Variants in NHSL2 observed in about 807,000 individuals in gnomAD.
The protein encoded by NHSL2 is NHS-like protein 2.
In NHSL2, 27 loss-of-function variants were observed where a neutral mutation model predicts 53.4. That is an observed-to-expected ratio of 0.51 (90% CI 0.37 to 0.70). The LOEUF (loss-of-function observed/expected upper bound fraction) is 0.70, where lower values mean the gene tolerates loss of function less well. NHSL2 is among the 30% of genes least tolerant of loss of function. The pLI is 0.00. For missense variants in NHSL2, 892 were observed against 980.1 expected, an observed-to-expected ratio of 0.91 and a Z score of 1.20; for synonymous variants, 408 against 404.1, an observed-to-expected ratio of 1.01 and a Z score of -0.12.
intron 1 of NHSL2, among the ~76,000 whole-genome samples, chrX:72,095,365 T>C (rs1280511549): frequency 2.7e-5 from 3 of 112,409 alleles, no homozygotes; most frequent in African/African-American, 9.7e-5. Context: ...TGGGTCAGAA[T>C]TTGCCAAGAA....
chrX:71,918,075 T>C (rs2041637733), intron 1 of NHSL2, among the ~76,000 whole-genome samples: 1 of 111,903 alleles, frequency 8.9e-6, no homozygotes, highest in African/African-American at 3.2e-5. Context: ...CTCGGCTCCT[T>C]CATGCTTTGC....
intron 1 of NHSL2, among the ~76,000 whole-genome samples, chrX:71,996,961 A>T (rs2042052512): frequency 8.9e-6 from 1 of 112,477 alleles, no homozygotes; most frequent in Non-Finnish European, 1.9e-5. Context: ...GCGTCCTGAG[A>T]GGCTGGGACC....
At position 72,148,728 on chromosome X, in the gene NHSL2, A is replaced by G. The variant is rs2042482675; in HGVS notation, c.*5154A>G. The G allele has an allele frequency of 9.0e-6, 1 of 111,422 alleles. No individual in the cohort carries two copies. The highest frequency in any genetic ancestry group is 1.9e-5 in the Non-Finnish European group (1 of 53,099). 9.2% of individuals were successfully genotyped at this position (111,422 alleles called of 1,213,427 possible). A position where few individuals can be genotyped will look rare whatever the true frequency, so the allele number is the denominator to read the frequency against. ...TAATGAGCAATGTGAAATGGGCATT[A>G]TACTTTTGTTCAGTAAAGCCCAAAA... On this transcript the variant is annotated 3_prime_UTR_variant, in exon 8 of 8. Transcript: ENST00000633930.
intron 1 of NHSL2, among the ~76,000 whole-genome samples, chrX:72,041,607 C>G (rs779297145): frequency 8.9e-6 from 1 of 112,384 alleles, no homozygotes; most frequent in Non-Finnish European, 1.9e-5. Context: ...AGAAATGGAA[C>G]TGGGAAGGGA....
chrX:71,965,468 C>T (rs994059648), intron 1 of NHSL2, among the ~76,000 whole-genome samples: 1 of 112,455 alleles, frequency 8.9e-6, no homozygotes, highest in Non-Finnish European at 1.9e-5. Flanking sequence ...CATTGATCTA[C>T]TTGTCTGTTC....
chrX:71,970,520 T>C lies in NHSL2; in HGVS notation c.280+59153T>C, dbSNP rs776847607. 2.7e-5 allele frequency among the ~76,000 whole-genome samples: 3 copies of C among 111,672 alleles called. No homozygotes were observed. The South Asian group carries it at 1.1e-3, about 42-fold the overall frequency. On this transcript the variant is annotated intron_variant, in intron 1 of 7. Coordinates refer to ENST00000633930, the MANE Select transcript of NHSL2 (RefSeq NM_001013627.3). ...AGTTACCGAATTTGTTGCCATATAG[T>C]TGTTCATAGTATTTGTTTATTTCTC...
chrX:71,918,396 G>A (rs1371489876), intron 1 of NHSL2, among the ~76,000 whole-genome samples: 2 of 108,221 alleles, frequency 1.8e-5, no homozygotes, highest in Non-Finnish European at 3.8e-5. Context: ...TCAAAGAGGA[G>A]ATGAGTTTTT....
rs1041258133 is a variant in NHSL2, at chrX:71,969,532, C to T, written c.280+58165C>T. ...TTCCCCATGTTGGCCAGGCTGGTTT[C>T]GAACTCCTGACCTCAGGTGATCCAC... On this transcript the variant is annotated intron_variant, in intron 1 of 7. Coordinates refer to ENST00000633930, the MANE Select transcript of NHSL2 (RefSeq NM_001013627.3). 3.6e-5 allele frequency among the ~76,000 whole-genome samples: 4 copies of T among 111,230 alleles called. No individual in the cohort carries two copies. The South Asian group carries it at 1.5e-3, about 41-fold the overall frequency.
chrX:72,012,943 C>A (rs1027657985), intron 1 of NHSL2, among the ~76,000 whole-genome samples: 1 of 112,545 alleles, frequency 8.9e-6, no homozygotes, highest in African/African-American at 3.2e-5. Context: ...ATTGTAGCTA[C>A]ATAATAAGTC....
intron 1 of NHSL2, among the ~76,000 whole-genome samples, chrX:72,080,798 G>A (rs1392649677): frequency 9.0e-6 from 1 of 111,718 alleles, no homozygotes; most frequent in African/African-American, 3.3e-5. Context: ...AGGCAGGAAA[G>A]GGGTTCCTGT....
intron 1 of NHSL2, chrX:72,130,110 C>T (rs201171574): frequency 1.0e-4 from 125 of 1,208,594 alleles, no homozygotes; most frequent in South Asian, 7.2e-4. Context: ...TCTGGGATGA[C>T]GCGTGAACAA....
intron 5 of NHSL2, among the ~76,000 whole-genome samples, 191 bp from the exon 6 acceptor site, chrX:72,138,250 A>G (rs1005195700): frequency 3.6e-5 from 4 of 112,260 alleles, no homozygotes; most frequent in African/African-American, 1.3e-4. Flanking sequence ...AGGGCACCGT[A>G]TGTCTCACTG....
At chrX:72,107,140 A>G (rs2147470661) in intron 1 of NHSL2, among the ~76,000 whole-genome samples, 1 of 110,752 alleles carries the variant, frequency 9.0e-6, no homozygotes, top group Admixed American at 9.5e-5. Flanking sequence ...AATTTTTTAA[A>G]AGGCCGGGCG....
chrX:71,979,077 C>T (rs1471163272), intron 1 of NHSL2, among the ~76,000 whole-genome samples: 1 of 110,400 alleles, frequency 9.1e-6, no homozygotes, highest in African/African-American at 3.3e-5. Context: ...CATGTCCCTA[C>T]AAAGGACATC....
At chrX:71,929,987 TCAAA>T (rs2041704939) in intron 1 of NHSL2, among the ~76,000 whole-genome samples, 1 of 111,391 alleles carries the variant, frequency 9.0e-6, no homozygotes, top group Admixed American at 9.5e-5. Flanking sequence ...ACTCCTGGGC[TCAAA>T]CAATCTGCCT....
intron 1 of NHSL2, among the ~76,000 whole-genome samples, chrX:72,015,422 G>A (rs915956403): frequency 6.2e-5 from 7 of 112,175 alleles, no homozygotes; most frequent in Non-Finnish European, 1.1e-4. Flanking sequence ...GAACTTTTAG[G>A]TTGTTTCTTA....
intron 1 of NHSL2, among the ~76,000 whole-genome samples, chrX:71,923,461 G>C (rs748975399): frequency 2.7e-4 from 30 of 112,284 alleles, no homozygotes; most frequent in African/African-American, 8.7e-4. Flanking sequence ...TCTCCAACTT[G>C]AGACCCCTTT....
At chrX:72,136,819 A>G (rs900494113) in intron 4 of NHSL2, among the ~76,000 whole-genome samples, 2 of 112,364 alleles carry the variant, frequency 1.8e-5, no homozygotes, top group Non-Finnish European at 3.8e-5. Context: ...CAGGTGTTGC[A>G]GTTTCAAAAG....
chrX:72,081,101 C>T (rs1385291237), intron 1 of NHSL2, among the ~76,000 whole-genome samples: 1 of 112,544 alleles, frequency 8.9e-6, no homozygotes, highest in African/African-American at 3.2e-5. Flanking sequence ...CCCTTTGCAT[C>T]AGGCGTATGC....
Sources: allele counts gnomAD v4.1 joint callset (sites outside exome capture counted in the v4.1 genomes callset), GRCh38; gene constraint gnomAD v4.1.1; transcripts MANE v1.5; gene names NCBI Gene and HGNC (gene_info 2026-07-23, HGNC 2026-07-21).